The following ZNF383 variants were observed in gnomAD, a reference collection of about 807,000 sequenced individuals.
ZNF383 encodes zinc finger protein 383.
ZNF383 carries 32 observed loss-of-function variants against 44.2 expected under a neutral mutation model. The observed-to-expected ratio is 0.72, with a 90% CI of 0.55 to 0.97. The LOEUF is 0.97. Ranked by LOEUF, ZNF383 falls within the 50% of genes least tolerant of loss-of-function variation. ZNF383 has a pLI of 0.00. For missense variants in ZNF383, 487 were observed against 562.5 expected (o/e 0.87, Z 1.36); for synonymous variants, 155 against 186.2 (o/e 0.83, Z 1.36).
intron 3 of ZNF383, 43 bp from the exon 4 acceptor site, chr19:37,235,506 A>C: frequency 6.2e-7 from 1 of 1,610,108 alleles, no homozygotes; most frequent in Non-Finnish European, 8.5e-7. Context: ...TCTCTGATAC[A>C]TTTTTTTAAT....
chr19:37,228,035 A>G (rs1973268168), intron 2 of ZNF383, among the ~76,000 whole-genome samples: 1 of 152,170 alleles, frequency 6.6e-6, no homozygotes, highest in Non-Finnish European at 1.5e-5. Context: ...GACTAACGTC[A>G]GGCGTTTTTA....
intron 5 of ZNF383, among the ~76,000 whole-genome samples, chr19:37,241,700 C>T (rs1406076133): frequency 6.6e-6 from 1 of 152,074 alleles, no homozygotes; most frequent in Non-Finnish European, 1.5e-5. Context: ...TTTCTAAGGT[C>T]CTACCATGAA....
At chr19:37,237,726 C>T (rs556519463) in intron 5 of ZNF383, among the ~76,000 whole-genome samples, 90 of 152,264 alleles carry the variant, frequency 5.9e-4, no homozygotes, top group Non-Finnish European at 1.1e-3. Context: ...CTTGCATCTT[C>T]GTGTGGCAGA....
At chr19:37,239,522 A>G (rs1973977019) in intron 5 of ZNF383, among the ~76,000 whole-genome samples, 1 of 152,130 alleles carries the variant, frequency 6.6e-6, no homozygotes, top group African/African-American at 2.4e-5. Flanking sequence ...CTGATGGGGA[A>G]AAGCTTGGTG....
At chr19:37,236,698 T>C (rs1973815472) in intron 5 of ZNF383, among the ~76,000 whole-genome samples, 1 of 151,732 alleles carries the variant, frequency 6.6e-6, no homozygotes, top group Non-Finnish European at 1.5e-5. Flanking sequence ...GCCTCCTGAG[T>C]AGCTGGGACT....
chr19:37,241,532 C>A (rs897445917), intron 5 of ZNF383, among the ~76,000 whole-genome samples: 1 of 152,062 alleles, frequency 6.6e-6, no homozygotes, highest in African/African-American at 2.4e-5. Flanking sequence ...ATTTACTGCC[C>A]AGCATTTTTA....
Position 37,222,152 on chromosome 19 carries a change from TCTTTTTTTTTCA to T in ZNF383, c.-167-2654_-167-2643del, listed in dbSNP as rs138408815. Among the ~76,000 whole-genome samples the T allele has an allele frequency of 1.6e-3, 246 of 152,116 alleles. 3 individuals are homozygous for T. In the East Asian group the frequency reaches 0.038, roughly 24 times the overall value. On this transcript the variant is annotated intron_variant, in intron 1 of 5. Transcript: ENST00000684119. ...ACCTATACTTGAATTTTGCTTGGCTTCTTTTTTTTTCACTTTTTTTTTCCTACTGTCAGTTTC... is the reference window on the plus strand; with the variant it reads ...ACCTATACTTGAATTTTGCTTGGCTTCTTTTTTTTTCCTACTGTCAGTTTC...
chr19:37,243,138 C>G lies in ZNF383; in HGVS notation c.902C>G (p.Ala301Gly). 6.2e-7 allele frequency: 1 copy of G among 1,613,728 alleles called. No homozygotes were observed. The highest frequency in any genetic ancestry group is 8.5e-7 in the Non-Finnish European group (1 of 1,179,922). ...AAGAGCTCACAACTTTTTCAGCATG[C>G]ACGAATTCATACAGGTGAGAAACCC... is the stretch of plus-strand genomic sequence containing the variant. ...FTKSSQLFQH[A>G]RIHTGEKPYE... The change falls in exon 6 of 6, where the codon GCA (alanine) becomes GGA (glycine). Residue 301 changes from alanine to glycine, a missense_variant. Transcript: ENST00000684119.
At chr19:37,236,986 CACACACACAG>C (rs1192039057) in intron 5 of ZNF383, among the ~76,000 whole-genome samples, 28 of 142,856 alleles carry the variant, frequency 2.0e-4, no homozygotes, top group Admixed American at 6.4e-4. Flanking sequence ...CACACACACA[CACACACACAG>C]AGACACACAC....
intron 1 of ZNF383, among the ~76,000 whole-genome samples, chr19:37,219,050 A>G (rs1972799732): frequency 6.6e-6 from 1 of 152,046 alleles, no homozygotes; most frequent in Non-Finnish European, 1.5e-5. Context: ...GTGACCATAT[A>G]TAGTGTTATT....
At chr19:37,231,170 T>A (rs1026360230) in intron 3 of ZNF383, among the ~76,000 whole-genome samples, 16 of 152,228 alleles carry the variant, frequency 1.1e-4, no homozygotes, top group African/African-American at 3.9e-4. Context: ...AAGAACCTTT[T>A]AAGTCTTATC....
chr19:37,221,955 CAA>C (rs71177435), intron 1 of ZNF383, among the ~76,000 whole-genome samples: 11 of 93,930 alleles, frequency 1.2e-4, no homozygotes, highest in Non-Finnish European at 1.6e-4. Context: ...GACTCTGTCT[CAA>C]AAAAAAAAAA....
At chr19:37,223,978 G>C (rs1290328851) in intron 1 of ZNF383, among the ~76,000 whole-genome samples, 1 of 151,952 alleles carries the variant, frequency 6.6e-6, no homozygotes, top group Non-Finnish European at 1.5e-5. Flanking sequence ...AGGTTGCAGT[G>C]AGCCAAGATC....
intron 2 of ZNF383, among the ~76,000 whole-genome samples, chr19:37,228,681 G>C (rs1973301586): frequency 6.6e-6 from 1 of 152,032 alleles, no homozygotes; most frequent in Admixed American, 6.6e-5. Context: ...GGCCACTGTT[G>C]TGATGGGTCC....
At chr19:37,225,184 C>T (rs1400956311) in intron 2 of ZNF383, 1 of 151,934 alleles carries the variant, frequency 6.6e-6, no homozygotes, top group Non-Finnish European at 1.5e-5. Context: ...CAACCTCTGC[C>T]TCCCAGGTTC....
chr19:37,234,333 T>TTC (rs1434026069), intron 3 of ZNF383, among the ~76,000 whole-genome samples: 1 of 152,208 alleles, frequency 6.6e-6, no homozygotes, highest in African/African-American at 2.4e-5. Flanking sequence ...TTTTGTTAGT[T>TTC]TTGCAATGTC....
At chr19:37,236,277 C>T (rs1372111186) in intron 5 of ZNF383, among the ~76,000 whole-genome samples, 1 of 151,976 alleles carries the variant, frequency 6.6e-6, no homozygotes, top group Non-Finnish European at 1.5e-5. Flanking sequence ...TACTACTCCT[C>T]TCCAATCCTC....
At position 37,243,710 on chromosome 19, in the gene ZNF383, A is replaced by G. The variant is rs764181938; in HGVS notation, c.*46A>G. On this transcript the variant is annotated 3_prime_UTR_variant, in exon 6 of 6. Transcript: ENST00000684119. Reference sequence around the variant, plus strand: ...ACCTTCCTCATATTTTAAACCAAAAATCATGTCTAATAGTTACCCTCTTCC... The same window carrying G: ...ACCTTCCTCATATTTTAAACCAAAAGTCATGTCTAATAGTTACCCTCTTCC... 3.0e-5 allele frequency: 39 copies of G among 1,309,638 alleles called. No homozygotes were observed. Among genetic ancestry groups the G allele is most frequent in the Non-Finnish European group, 3.7e-5 (36 of 960,192 alleles). 81.1% of individuals were successfully genotyped at this position (1,309,638 alleles called of 1,614,324 possible).
chr19:37,222,990 A>G (rs1972997937), intron 1 of ZNF383, among the ~76,000 whole-genome samples: 1 of 152,250 alleles, frequency 6.6e-6, no homozygotes, highest in African/African-American at 2.4e-5. Context: ...GGAATAGTTT[A>G]TAATAAAAAG....
Sources: gnomAD v4.1 joint callset for allele counts (sites outside exome capture counted in the v4.1 genomes callset) on GRCh38, gnomAD v4.1.1 for gene constraint, MANE v1.5 for transcripts, NCBI Gene and HGNC (gene_info 2026-07-23, HGNC 2026-07-21) for gene names.